ADK: variants seen among roughly 807,000 people sequenced by gnomAD.
ADK encodes the protein adenosine kinase, also known as N6,N6-dimethyladenosine kinase.
ADK carries 24 observed loss-of-function variants against 44.7 expected under a neutral mutation model. The observed-to-expected ratio is 0.54, with a 90% CI of 0.39 to 0.76. ADK has a LOEUF of 0.76. Ranked by LOEUF, ADK falls within the 30% of genes least tolerant of loss-of-function variation. ADK has a pLI of 0.00. For synonymous variants in ADK, 128 were observed against 142.6 expected, an observed-to-expected ratio of 0.90 and a Z score of 0.73; for missense variants, 321 against 425.1, an observed-to-expected ratio of 0.76 and a Z score of 2.15.
chr10:74,440,407 C>G (rs1320009641), intron 6 of ADK, among the ~76,000 whole-genome samples: 1 of 152,010 alleles, frequency 6.6e-6, no homozygotes, highest in African/African-American at 2.4e-5. Context: ...ATTCATAGCC[C>G]ATACTGTAGG....
chr10:74,272,352 C>T (rs183474673), intron 3 of ADK, among the ~76,000 whole-genome samples: 100 of 152,144 alleles, frequency 6.6e-4, no homozygotes, highest in Non-Finnish European at 1.3e-3. Flanking sequence ...TCATGGCTCC[C>T]TGCATGTCAA....
intron 6 of ADK, chr10:74,509,604 T>C (rs544437865): frequency 1.3e-5 from 2 of 152,328 alleles, no homozygotes; most frequent in African/African-American, 4.8e-5. Context: ...ATATCCTCCA[T>C]CTACCTATTT....
intron 9 of ADK, among the ~76,000 whole-genome samples, chr10:74,637,850 A>C (rs945806166): frequency 4.6e-5 from 7 of 152,224 alleles, no homozygotes; most frequent in African/African-American, 1.7e-4. Flanking sequence ...CACATGAAGA[A>C]ACTTTTAGAA....
At chr10:74,399,702 G>C (rs1401179121) in intron 6 of ADK, among the ~76,000 whole-genome samples, 1 of 151,802 alleles carries the variant, frequency 6.6e-6, no homozygotes, top group African/African-American at 2.4e-5. Context: ...TTCTTGTAGT[G>C]TGATTCTTTA....
chr10:74,442,793 A>G (rs1184721559), intron 6 of ADK, among the ~76,000 whole-genome samples: 1 of 152,198 alleles, frequency 6.6e-6, no homozygotes, highest in African/African-American at 2.4e-5. Context: ...GGATAAAGAA[A>G]GTATATGTAT....
At chr10:74,611,145 T>C (rs1178494449) in intron 9 of ADK, among the ~76,000 whole-genome samples, 3 of 152,008 alleles carry the variant, frequency 2.0e-5, no homozygotes, top group Non-Finnish European at 4.4e-5. Flanking sequence ...CTTCCCAGCC[T>C]CCTAAGTAGC....
intron 2 of ADK, among the ~76,000 whole-genome samples, chr10:74,210,596 C>G (rs1442092435): frequency 6.6e-6 from 1 of 152,090 alleles, no homozygotes; most frequent in Non-Finnish European, 1.5e-5. Context: ...TGAATAGCCA[C>G]TGCACTCCAT....
chr10:74,579,920 A>G (rs559409252), intron 7 of ADK, among the ~76,000 whole-genome samples: 1 of 152,330 alleles, frequency 6.6e-6, no homozygotes, highest in East Asian at 1.9e-4. Flanking sequence ...CCTCTAATAA[A>G]TTGGACATCT....
intron 3 of ADK, among the ~76,000 whole-genome samples, chr10:74,231,084 T>G (rs1844743450): frequency 1.3e-5 from 2 of 152,200 alleles, no homozygotes. Context: ...CAGTATTGTG[T>G]TTTGGTTTTG....
intron 7 of ADK, among the ~76,000 whole-genome samples, chr10:74,539,660 A>G (rs1849561963): frequency 1.3e-5 from 2 of 152,210 alleles, no homozygotes; most frequent in African/African-American, 4.8e-5. Context: ...GGAATTGGGA[A>G]AGAAACTTTA....
At chr10:74,618,100 TTA>T (rs1491271796) in intron 9 of ADK, among the ~76,000 whole-genome samples, 1 of 139,158 alleles carries the variant, frequency 7.2e-6, no homozygotes. Context: ...TTCTGTGTTC[TTA>T]TATGACTTTT....
At chr10:74,430,481 G>A (rs891781600) in intron 6 of ADK, among the ~76,000 whole-genome samples, 7 of 152,042 alleles carry the variant, frequency 4.6e-5, no homozygotes, top group Non-Finnish European at 1.0e-4. Flanking sequence ...TTGGCTGGGC[G>A]TAATGGCTCA....
intron 6 of ADK, among the ~76,000 whole-genome samples, chr10:74,466,230 C>T (rs1846354032): frequency 6.6e-6 from 1 of 152,116 alleles, no homozygotes; most frequent in Non-Finnish European, 1.5e-5. Flanking sequence ...AGAAGAAATG[C>T]ATACAGCTGA....
intron 6 of ADK, among the ~76,000 whole-genome samples, chr10:74,403,828 C>T (rs539331945): frequency 1.4e-4 from 21 of 152,258 alleles, no homozygotes; most frequent in South Asian, 2.1e-4. Flanking sequence ...GCATCACTCA[C>T]GCTGGGAGCT....
chr10:74,506,297 G>A (rs886209187), intron 6 of ADK: 26 of 241,200 alleles, frequency 1.1e-4, no homozygotes, highest in Non-Finnish European at 2.1e-4. Flanking sequence ...TCTTGAAATG[G>A]TGGGCAACCA....
At chr10:74,661,721 A>T in intron 9 of ADK, among the ~76,000 whole-genome samples, 1 of 152,156 alleles carries the variant, frequency 6.6e-6, no homozygotes, top group East Asian at 1.9e-4. Context: ...CATGTTTAAG[A>T]CCTAGTTTAA....
At chr10:74,616,228 G>A (rs1301155301) in intron 9 of ADK, among the ~76,000 whole-genome samples, 1 of 151,870 alleles carries the variant, frequency 6.6e-6, no homozygotes, top group Non-Finnish European at 1.5e-5. Context: ...TTAATATAGG[G>A]CAATTCATAA....
At chr10:74,347,094 G>T (rs1182182604) in intron 4 of ADK, among the ~76,000 whole-genome samples, 1 of 108,024 alleles carries the variant, frequency 9.3e-6, no homozygotes. Flanking sequence ...GCGACAGAGC[G>T]ACACTCTGTC....
At chr10:74,556,557 T>C (rs1850253687) in intron 7 of ADK, among the ~76,000 whole-genome samples, 1 of 152,218 alleles carries the variant, frequency 6.6e-6, no homozygotes, top group African/African-American at 2.4e-5. Context: ...GGAATAGCAG[T>C]GCCACTTAGA....
Sources: allele counts gnomAD v4.1 joint callset (sites outside exome capture counted in the v4.1 genomes callset), GRCh38; gene constraint gnomAD v4.1.1; transcripts MANE v1.5; gene names NCBI Gene and HGNC (gene_info 2026-07-23, HGNC 2026-07-21).